The following NEFH variants were observed in gnomAD, a reference collection of about 807,000 sequenced individuals.
The protein encoded by NEFH is neurofilament heavy chain.
Under a neutral mutation model 56.6 loss-of-function variants are expected in NEFH, and 58 were observed. That is an observed-to-expected ratio of 1.03 (90% confidence interval 0.83 to 1.28). The LOEUF (loss-of-function observed/expected upper bound fraction) is 1.28. NEFH is among the 50% of genes most tolerant of loss of function. The pLI is 0.00. For missense variants in NEFH, 1,221 were observed against 1,307.6 expected, an observed-to-expected ratio of 0.93 and a Z score of 1.02; for synonymous variants, 542 against 545.8, an observed-to-expected ratio of 0.99 and a Z score of 0.10.
chr22:29,490,024 C>T lies in NEFH; in HGVS notation c.2384C>T (p.Ser795Phe), dbSNP rs371229323. 1 of 1,613,888 alleles carries T rather than the reference C, an allele frequency of 6.2e-7. No homozygotes were observed. The highest frequency in any genetic ancestry group is 8.5e-7 in the Non-Finnish European group (1 of 1,179,970). The change falls in exon 4 of 4, where the codon TCC (serine) becomes TTC (phenylalanine). Residue 795 changes from serine to phenylalanine, a missense_variant. Around this residue, in one of 4 missense-constraint regions of NEFH, gnomAD observed 301 missense variants for 346.6 expected, o/e 0.87. Transcript: ENST00000310624. Reference sequence around the variant, plus strand: ...AGCCCTGTCAAGGAGGAGGTCAAGTCCCCAGAGAAGGCGAAATCTCCCCTG... The same window carrying T: ...AGCCCTGTCAAGGAGGAGGTCAAGTTCCCAGAGAAGGCGAAATCTCCCCTG... ...AKSPVKEEVK[S>F]PEKAKSPLKE...
At chr22:29,482,999 G>A (rs2063020794) in intron 1 of NEFH, among the ~76,000 whole-genome samples, 1 of 152,184 alleles carries the variant, frequency 6.6e-6, no homozygotes, top group Non-Finnish European at 1.5e-5. Context: ...CTGGGCATTA[G>A]GCCGGGCGTG....
At chr22:29,486,591 C>T (rs1392375542) in intron 3 of NEFH, among the ~76,000 whole-genome samples, 13 of 144,156 alleles carry the variant, frequency 9.0e-5, no homozygotes, top group Non-Finnish European at 1.5e-5. Flanking sequence ...AGCATTATCT[C>T]GGCTCACTGC....
chr22:29,490,592 A>AGAGCCTAGC lies in NEFH; in HGVS notation c.2953_2961dup (p.Glu985_Ser987dup). 8 of 1,614,136 alleles carry AGAGCCTAGC rather than the reference A, an allele frequency of 5.0e-6. No homozygotes were observed. The highest frequency in any genetic ancestry group is 1.3e-5 in the African/African-American group (1 of 75,042). ...AGGAAGATGACAAGACCCTCTCAAA[A>AGAGCCTAGC]GAGCCTAGCAAGCCTAAGGCAGAAA... On this transcript the variant is annotated inframe_insertion, in exon 4 of 4. Coordinates refer to ENST00000310624, the MANE Select transcript of NEFH (RefSeq NM_021076.4).
In NEFH at chr22:29,489,765, A is replaced by C; in HGVS notation, c.2125A>C (p.Lys709Gln). The change falls in exon 4 of 4, where the codon AAG becomes CAG. Residue 709 changes from lysine to glutamine, a missense_variant. Physicochemically the swap from Lys to Gln is moderately conservative, Grantham distance 53. Transcript: ENST00000310624. ...KEEAKSPEKA[K>Q]SPVKEEAKSP... ...AGAAGCAAAGTCCCCTGAGAAGGCC[A>C]AGTCCCCAGTGAAGGAAGAAGCAAA... is the stretch of plus-strand genomic sequence containing the variant. 1 of 1,609,794 alleles carries C rather than the reference A, an allele frequency of 6.2e-7. No individual in the cohort carries two copies.
intron 2 of NEFH, among the ~76,000 whole-genome samples, chr22:29,484,931 C>T (rs2063035612): frequency 1.3e-5 from 2 of 152,028 alleles, no homozygotes; most frequent in Admixed American, 6.6e-5. Context: ...TACTTCCGGG[C>T]TCAAGTAATC....
At position 29,480,227 on chromosome 22, in the gene NEFH, C is replaced by T; in HGVS notation, c.-36C>T. On this transcript the variant is annotated 5_prime_UTR_variant, in exon 1 of 4. Transcript: ENST00000310624. ...GCGCCCTGGTGCTGCCGCAGTGCCT[C>T]CCGCCCCGTCCCGGCCTCGCGCACC... The T allele has an allele frequency of 1.3e-6, 2 of 1,492,192 alleles. No individual in the cohort carries two copies. Among genetic ancestry groups the T allele is most frequent in the Non-Finnish European group, 1.8e-6 (2 of 1,130,286 alleles). 92.4% of individuals were successfully genotyped at this position (1,492,192 alleles called of 1,614,324 possible).
chr22:29,490,184 T>G lies in NEFH; in HGVS notation c.2544T>G (p.Pro848=). The G allele has an allele frequency of 6.2e-7, 1 of 1,611,846 alleles. No individual in the cohort carries two copies. Among genetic ancestry groups the G allele is most frequent in the Non-Finnish European group, 8.5e-7 (1 of 1,179,056 alleles). The change falls in exon 4 of 4, where the codon CCT becomes CCG. Residue 848 remains proline (P), a synonymous_variant. Coordinates refer to ENST00000310624, the MANE Select transcript of NEFH (RefSeq NM_021076.4). The part of the protein sequence containing the change: ...PPKKAEEEKA[P]ATPKTEEKKD... ...AGAAGGCAGAGGAAGAGAAAGCCCC[T>G]GCCACACCAAAAACAGAGGAGAAGA... is the stretch of plus-strand genomic sequence containing the variant.
At chr22:29,484,451 C>A (rs891489667) in intron 2 of NEFH, among the ~76,000 whole-genome samples, 2 of 151,978 alleles carry the variant, frequency 1.3e-5, no homozygotes, top group African/African-American at 4.8e-5. Flanking sequence ...ACCAGCCTGG[C>A]CAACATGGTG....
In NEFH at chr22:29,490,564, C is replaced by T; in HGVS notation, c.2924C>T (p.Ala975Val). Residue 975 changes from alanine to valine, a missense_variant, in exon 4 of 4, where the codon GCC becomes GTC. Ala to Val is a moderately conservative substitution (Grantham distance 64, BLOSUM62 0). Around this residue, in one of 4 missense-constraint regions of NEFH, gnomAD observed 301 missense variants for 346.6 expected, o/e 0.87. Transcript: ENST00000310624. ...GAGAAACCCAAGACAGAGGCCAAAG[C>T]CAAGGAAGATGACAAGACCCTCTCA... ...PEEKPKTEAK[A>V]KEDDKTLSKE... is the part of the protein sequence containing the mutation. 6.2e-7 allele frequency: 1 copy of T among 1,613,468 alleles called. No homozygotes were observed.
Position 29,488,880 on chromosome 22 carries a change from G to A in NEFH, c.1240G>A (p.Gly414Ser). The A allele has an allele frequency of 6.2e-7, 1 of 1,614,166 alleles. No homozygotes were observed. The highest frequency in any genetic ancestry group is 8.5e-7 in the Non-Finnish European group (1 of 1,180,042). Residue 414 changes from glycine to serine, a missense_variant, in exon 4 of 4, where the codon GGC becomes AGC. Physicochemically the swap from Gly to Ser is moderately conservative, Grantham distance 56 (BLOSUM62 0). This residue lies in a region of NEFH where 243 missense variants were observed against 299.1 expected (regional missense o/e 0.81). Coordinates refer to ENST00000310624, the MANE Select transcript of NEFH (RefSeq NM_021076.4). ...KLLEGEECRIGFGPIPFSLPE... is the reference protein window; with the variant it reads ...KLLEGEECRISFGPIPFSLPE... ...CCTGGAAGGTGAAGAGTGTCGGATT[G>A]GCTTTGGCCCAATTCCTTTCTCGCT...
chr22:29,485,399 G>A (rs138583539), intron 2 of NEFH, among the ~76,000 whole-genome samples: 12 of 152,200 alleles, frequency 7.9e-5, no homozygotes, highest in East Asian at 3.9e-4. Context: ...CACCACTCCC[G>A]GCCTCACTGA....
chr22:29,486,081 C>T (rs549287752), intron 3 of NEFH, among the ~76,000 whole-genome samples: 2 of 152,112 alleles, frequency 1.3e-5, no homozygotes, highest in East Asian at 1.9e-4. Flanking sequence ...TATGGTGGTG[C>T]GATCTCTGCC....
intron 1 of NEFH, among the ~76,000 whole-genome samples, chr22:29,481,841 A>AGCCCTGAGTCAGCTAGATTGCGCT (rs2063012743): frequency 6.6e-6 from 1 of 152,112 alleles, no homozygotes; most frequent in Non-Finnish European, 1.5e-5. Flanking sequence ...AACTCCTTGC[A>AGCCCTGAGTCAGCTAGATTGCGCT]GCCCTGAGTC....
At chr22:29,485,973 C>A in intron 3 of NEFH, 126 bp downstream of exon 3, 1 of 959,336 alleles carries the variant, frequency 1.0e-6, no homozygotes, top group African/African-American at 1.6e-5. Context: ...TTTTAAATTG[C>A]GGCAAAATAG....
intron 2 of NEFH, among the ~76,000 whole-genome samples, chr22:29,485,015 T>C (rs954018542): frequency 1.3e-5 from 2 of 152,106 alleles, no homozygotes; most frequent in African/African-American, 4.8e-5. Context: ...TTTAATTGTT[T>C]TGTAGAAATG....
At position 29,489,235 on chromosome 22, in the gene NEFH, C is replaced by T. The variant is rs1229065794; in HGVS notation, c.1595C>T (p.Ser532Phe). 7 of 1,613,960 alleles carry T rather than the reference C, an allele frequency of 4.3e-6. No individual in the cohort carries two copies. The highest frequency in any genetic ancestry group is 2.7e-5 in the African/African-American group (2 of 74,894). ...GCAAAGTCACCGGCTGAGGCCAAGT[C>T]CCCAGAGAAGGAGGAAGCAAAATCC... ...EEAKSPAEAK[S>F]PEKEEAKSPA... The change falls in exon 4 of 4, where the codon TCC (serine) becomes TTC (phenylalanine). Residue 532 changes from serine (S) to phenylalanine (F), a missense_variant. By Grantham distance (155) the Ser-to-Phe change is radical. Transcript: ENST00000310624.
intron 2 of NEFH, among the ~76,000 whole-genome samples, chr22:29,484,951 C>T (rs976824638): frequency 2.6e-5 from 4 of 152,140 alleles, no homozygotes; most frequent in Non-Finnish European, 4.4e-5. Flanking sequence ...CCTCCTCCCT[C>T]AGCTTCCTGA....
Position 29,490,569 on chromosome 22 carries a change from G to A in NEFH, c.2929G>A (p.Glu977Lys). ...EKPKTEAKAK[E>K]DDKTLSKEPS... ...ACCCAAGACAGAGGCCAAAGCCAAG[G>A]AAGATGACAAGACCCTCTCAAAAGA... Residue 977 changes from glutamate to lysine, a missense_variant, in exon 4 of 4, where the codon GAA (glutamate) becomes AAA (lysine). Transcript: ENST00000310624. 6.2e-7 allele frequency: 1 copy of A among 1,613,770 alleles called. No individual in the cohort carries two copies.
chr22:29,481,486 G>A (rs576631246), intron 1 of NEFH, among the ~76,000 whole-genome samples: 9 of 152,070 alleles, frequency 5.9e-5, no homozygotes, highest in Non-Finnish European at 1.3e-4. Context: ...CAGGAAAAAA[G>A]TGGTGCAGGA....
Sources: allele counts gnomAD v4.1 joint callset (sites outside exome capture counted in the v4.1 genomes callset), GRCh38; gene constraint gnomAD v4.1.1; regional missense constraint gnomAD v4.1.1; transcripts MANE v1.5; gene names NCBI Gene and HGNC (gene_info 2026-07-23, HGNC 2026-07-21).